Variants in TTC28 observed in about 807,000 individuals in gnomAD.
TTC28 encodes the protein tetratricopeptide repeat protein 28.
Under a neutral mutation model 198.0 loss-of-function variants are expected in TTC28, and 61 were observed. The ratio of observed to expected loss-of-function variants is 0.31; its 90% CI spans 0.25 to 0.38. TTC28 has a LOEUF of 0.38. Ranked by LOEUF, TTC28 falls within the 10% of genes least tolerant of loss-of-function variation. The probability of loss-of-function intolerance (pLI) is 1.00; values close to 1 mark genes in which losing one functional copy is unlikely to be tolerated. For synonymous variants in TTC28, 1,171 were observed against 1,297.8 expected, an observed-to-expected ratio of 0.90 and a Z score of 2.10; for missense variants, 2,678 against 3,164.0, an observed-to-expected ratio of 0.85 and a Z score of 3.69.
chr22:28,362,278 G>C (rs1302164090), intron 2 of TTC28, among the ~76,000 whole-genome samples: 1 of 152,072 alleles, frequency 6.6e-6, no homozygotes, highest in African/African-American at 2.4e-5. Flanking sequence ...GTTTTATAAA[G>C]AGGAGTTCCC....
chr22:28,342,498 A>G (rs2045847198), intron 2 of TTC28, among the ~76,000 whole-genome samples: 1 of 152,284 alleles, frequency 6.6e-6, no homozygotes, highest in African/African-American at 2.4e-5. Flanking sequence ...ATGCTATTTC[A>G]CAAAACTTGA....
chr22:28,584,549 C>T (rs191894025), intron 2 of TTC28, among the ~76,000 whole-genome samples: 18 of 152,272 alleles, frequency 1.2e-4, no homozygotes, highest in Non-Finnish European at 1.8e-4. Context: ...AGCCATTAGT[C>T]ACATGTGGCT....
Position 28,265,392 on chromosome 22 carries a change from A to C in TTC28, c.933+30806T>G, listed in dbSNP as rs568571942. On this transcript the variant is annotated intron_variant, in intron 5 of 22. Coordinates refer to ENST00000397906, the MANE Select transcript of TTC28 (RefSeq NM_001145418.2). Reference sequence around the variant, plus strand: ...CAGTCTTTGTAGAGGGAGAAATGAGAAGAGGTAGGTACCAGACCACCAACG... The same window carrying C: ...CAGTCTTTGTAGAGGGAGAAATGAGCAGAGGTAGGTACCAGACCACCAACG... Among the ~76,000 whole-genome samples the C allele has an allele frequency of 5.9e-5, 9 of 152,286 alleles. No individual in the cohort carries two copies. In the South Asian group the frequency reaches 1.9e-3, roughly 32 times the overall value.
chr22:28,275,313 C>T (rs910082810), intron 5 of TTC28, among the ~76,000 whole-genome samples: 2 of 152,196 alleles, frequency 1.3e-5, no homozygotes, highest in South Asian at 2.1e-4. Context: ...ATTTCCATCA[C>T]TGCCATGAGT....
chr22:28,671,542 G>C (rs974339457), intron 1 of TTC28, among the ~76,000 whole-genome samples: 1 of 151,154 alleles, frequency 6.6e-6, no homozygotes, highest in Non-Finnish European at 1.5e-5. Flanking sequence ...CACTGAGGCA[G>C]GAGAATGGCG....
intron 3 of TTC28, among the ~76,000 whole-genome samples, chr22:28,301,919 C>T (rs1307132917): frequency 1.3e-5 from 2 of 151,924 alleles, no homozygotes; most frequent in Admixed American, 1.3e-4. Context: ...GACCTACAGT[C>T]CCAGCTACTC....
chr22:28,549,940 C>A (rs1179189041), intron 2 of TTC28, among the ~76,000 whole-genome samples: 2 of 152,146 alleles, frequency 1.3e-5, no homozygotes, highest in Non-Finnish European at 2.9e-5. Flanking sequence ...AAAGTCAAAG[C>A]TTTTAAGTTT....
chr22:28,555,278 A>G (rs1036638380), intron 2 of TTC28, among the ~76,000 whole-genome samples: 1 of 152,238 alleles, frequency 6.6e-6, no homozygotes, highest in Non-Finnish European at 1.5e-5. Flanking sequence ...TAGGGAAAAC[A>G]GTGTGGAGAC....
intron 5 of TTC28, among the ~76,000 whole-genome samples, chr22:28,216,923 T>G (rs578076104): frequency 6.6e-6 from 1 of 152,126 alleles, no homozygotes; most frequent in African/African-American, 2.4e-5. Context: ...TCTTCCTGTG[T>G]TGCCCAGGCT....
intron 2 of TTC28, among the ~76,000 whole-genome samples, chr22:28,587,976 A>G (rs887984276): frequency 6.6e-6 from 1 of 151,616 alleles, no homozygotes; most frequent in Non-Finnish European, 1.5e-5. Flanking sequence ...CCCGTCTCTA[A>G]TAAAAGTAGA....
At chr22:28,043,491 C>T (rs1939746339) in intron 12 of TTC28, among the ~76,000 whole-genome samples, 1 of 151,998 alleles carries the variant, frequency 6.6e-6, no homozygotes, top group Admixed American at 6.6e-5. Flanking sequence ...TATTTTCCCA[C>T]TCTGGGATTA....
At chr22:28,530,838 C>A (rs2049118513) in intron 2 of TTC28, among the ~76,000 whole-genome samples, 1 of 152,148 alleles carries the variant, frequency 6.6e-6, no homozygotes, top group Non-Finnish European at 1.5e-5. Flanking sequence ...GAAATAAAAT[C>A]CTTTACAGAC....
Position 28,105,756 on chromosome 22 carries a change from G to T in TTC28, c.2830C>A (p.Leu944Ile). The change falls in exon 8 of 23, where the codon CTC (leucine) becomes ATC (isoleucine). Residue 944 changes from leucine to isoleucine, a missense_variant. By Grantham distance (5) the Leu-to-Ile change is conservative. Around this residue, in one of 8 missense-constraint regions of TTC28, gnomAD observed 6 missense variants for 25.8 expected, o/e 0.23. Transcript: ENST00000397906. ...TCTCCAAGTTCATGAGCAACCACGA[G>T]CCTCTTTTCAAAGCACACAAGGGCT... ...QQALVCFEKRLVVAHELGEAF... is the reference protein window; with the variant it reads ...QQALVCFEKRIVVAHELGEAF... The T allele has an allele frequency of 6.4e-7, 1 of 1,551,670 alleles. No homozygotes were observed. Among genetic ancestry groups the T allele is most frequent in the South Asian group, 1.2e-5 (1 of 84,058 alleles).
chr22:28,440,163 G>T (rs2047596129), intron 2 of TTC28, among the ~76,000 whole-genome samples: 2 of 152,058 alleles, frequency 1.3e-5, no homozygotes, highest in Admixed American at 1.3e-4. Context: ...TTATACAATT[G>T]AATGAATTTG....
chr22:28,533,187 C>T (rs976489188), intron 2 of TTC28, among the ~76,000 whole-genome samples: 2 of 152,124 alleles, frequency 1.3e-5, no homozygotes, highest in Admixed American at 1.3e-4. Context: ...TCTCCTTAAG[C>T]CGATAAGCAG....
At chr22:28,010,897 G>A (rs1403245430) in intron 14 of TTC28, among the ~76,000 whole-genome samples, 1 of 152,174 alleles carries the variant, frequency 6.6e-6, no homozygotes, top group Non-Finnish European at 1.5e-5. Flanking sequence ...TACCATTCCA[G>A]AAACTTTACT....
At position 28,043,162 on chromosome 22, in the gene TTC28, G is replaced by A. The variant is rs187012021; in HGVS notation, c.3933-12796C>T. Among the ~76,000 whole-genome samples the A allele has an allele frequency of 3.7e-5, 5 of 134,844 alleles. No homozygotes were observed. In the Admixed American group the frequency reaches 4.3e-4, roughly 12 times the overall value. 88.5% of individuals were successfully genotyped at this position (134,844 alleles called of 152,430 possible). On this transcript the variant is annotated intron_variant, in intron 12 of 22. Coordinates refer to ENST00000397906, the MANE Select transcript of TTC28 (RefSeq NM_001145418.2). ...GGGAGGCTGAGGCAGAGAACTGCTT[G>A]AACCCGGGAGGCAGAGGTTGCAGTG...
chr22:28,239,238 C>A (rs1929481649), intron 5 of TTC28, among the ~76,000 whole-genome samples: 1 of 152,144 alleles, frequency 6.6e-6, no homozygotes, highest in Non-Finnish European at 1.5e-5. Context: ...CGGAACTCTG[C>A]AATAATGGAC....
intron 5 of TTC28, among the ~76,000 whole-genome samples, chr22:28,165,726 G>A (rs1226241379): frequency 6.6e-6 from 1 of 152,146 alleles, no homozygotes; most frequent in Non-Finnish European, 1.5e-5. Context: ...GCAAAAACAT[G>A]CCAAATTGCA....
Sources: allele counts gnomAD v4.1 joint callset (sites outside exome capture counted in the v4.1 genomes callset), GRCh38; gene constraint gnomAD v4.1.1; regional missense constraint gnomAD v4.1.1; transcripts MANE v1.5; gene names NCBI Gene and HGNC (gene_info 2026-07-23, HGNC 2026-07-21).